The following TMTC1 variants were observed in gnomAD, a reference collection of about 807,000 sequenced individuals.
The protein encoded by TMTC1 is protein O-mannosyl-transferase TMTC1.
A neutral mutation model predicts 104.8 loss-of-function variants in TMTC1; 73 were observed. The observed-to-expected ratio is 0.70, with a 90% CI of 0.58 to 0.85. TMTC1 has a LOEUF of 0.85. Ranked by LOEUF, TMTC1 falls within the 40% of genes least tolerant of loss-of-function variation. TMTC1 has a pLI of 0.00. For missense variants in TMTC1, 1,035 were observed against 1,096.1 expected (o/e 0.94, Z 0.79); for synonymous variants, 434 against 428.7 (o/e 1.01, Z -0.15).
chr12:29,672,812 G>T (rs185913163), intron 5 of TMTC1, among the ~76,000 whole-genome samples: 1 of 152,140 alleles, frequency 6.6e-6, no homozygotes, highest in Non-Finnish European at 1.5e-5. Context: ...TAGATCACTT[G>T]GCTGCACTGC....
At chr12:29,749,986 T>C (rs527606007) in intron 5 of TMTC1, among the ~76,000 whole-genome samples, 1 of 151,904 alleles carries the variant, frequency 6.6e-6, no homozygotes, top group Admixed American at 6.6e-5. Context: ...CCCTCCTTCA[T>C]GATTGCCCCC....
At position 29,783,176 on chromosome 12, in the gene TMTC1, C is replaced by A. The variant is rs1298127492; in HGVS notation, c.302+274G>T. ...TTTCACCAGCCCGCTCCCAGCCCTG[C>A]CTCGAGAGAGAAGCCCGCTGAGAGG... On this transcript the variant is annotated intron_variant, in intron 1 of 17. Transcript: ENST00000539277. The surrounding 1 kb of genome is among the most constrained non-coding windows in gnomAD (Gnocchi z 4.7). The A allele has an allele frequency of 1.4e-5, 5 of 366,614 alleles. No homozygotes were observed. The highest frequency in any genetic ancestry group is 2.4e-5 in the Non-Finnish European group (5 of 206,350). 22.7% of individuals were successfully genotyped at this position (366,614 alleles called of 1,614,324 possible). A position where few individuals can be genotyped will look rare whatever the true frequency, so the allele number is the denominator to read the frequency against.
intron 5 of TMTC1, among the ~76,000 whole-genome samples, chr12:29,669,983 A>G (rs576746082): frequency 6.6e-6 from 1 of 152,208 alleles, no homozygotes; most frequent in East Asian, 1.9e-4. Context: ...TTGCTGCATC[A>G]CTGGTCTCCT....
chr12:29,763,003 G>A (rs1366745522), intron 2 of TMTC1, among the ~76,000 whole-genome samples: 3 of 152,198 alleles, frequency 2.0e-5, no homozygotes, highest in Non-Finnish European at 2.9e-5. Flanking sequence ...CATCTGGACC[G>A]AGAAGGGCAC....
intron 5 of TMTC1, among the ~76,000 whole-genome samples, chr12:29,741,625 C>T (rs756889078): frequency 3.9e-5 from 6 of 152,206 alleles, no homozygotes; most frequent in Admixed American, 6.6e-5. Context: ...TTGTCTCTTG[C>T]GCAACCTGAG....
Position 29,644,145 on chromosome 12 carries a change from GTGTGTA to G in TMTC1, c.939-10815_939-10810del, listed in dbSNP as rs1320089972. On this transcript the variant is annotated intron_variant, in intron 5 of 17. Coordinates refer to ENST00000539277, the MANE Select transcript of TMTC1 (RefSeq NM_001193451.2). Reference sequence around the variant, plus strand: ...TGTGTGTGTGTGTGTGTGTGTGTGTGTGTGTATATATATATATAATGAAATACTAAA... The same window carrying G: ...TGTGTGTGTGTGTGTGTGTGTGTGTGTATATATATATAATGAAATACTAAA... 2.0e-3 allele frequency among the ~76,000 whole-genome samples: 157 copies of G among 76,906 alleles called. 5 individuals carry two copies. Among genetic ancestry groups the G allele is most frequent in the Middle Eastern group, 0.013 (2 of 158 alleles). The allele number at this position is 76,906 out of a possible 152,430, so 50.5% of individuals were successfully genotyped here.
rs570587034 is a variant in TMTC1, at chr12:29,564,296, C to A, written c.1533-7296G>T. 7.2e-5 allele frequency among the ~76,000 whole-genome samples: 11 copies of A among 152,152 alleles called. No individual in the cohort carries two copies. In the South Asian group the frequency reaches 1.9e-3, roughly 26 times the overall value. ...GTAGAGTCATAGATTTGAGGGTCAACCAGCATATACACAGATGCTAACAAG... is the reference window on the plus strand; with the variant it reads ...GTAGAGTCATAGATTTGAGGGTCAAACAGCATATACACAGATGCTAACAAG... On this transcript the variant is annotated intron_variant, in intron 9 of 17. Transcript: ENST00000539277.
chr12:29,727,140 T>C (rs897087931), intron 5 of TMTC1, among the ~76,000 whole-genome samples: 1 of 152,192 alleles, frequency 6.6e-6, no homozygotes, highest in African/African-American at 2.4e-5. Context: ...TAAGATTCAA[T>C]GTGTGATTTA....
intron 5 of TMTC1, among the ~76,000 whole-genome samples, chr12:29,699,450 GAAGGCAC>G (rs1430852358): frequency 8.5e-5 from 13 of 152,264 alleles, no homozygotes; most frequent in African/African-American, 3.1e-4. Context: ...AAAGTGCCAT[GAAGGCAC>G]AAAATATCTT....
chr12:29,560,235 A>C (rs1945344654), intron 9 of TMTC1, among the ~76,000 whole-genome samples: 1 of 152,184 alleles, frequency 6.6e-6, no homozygotes, highest in African/African-American at 2.4e-5. Context: ...AACCTCAACA[A>C]AAGATCTGCT....
At chr12:29,683,865 C>T (rs1428176319) in intron 5 of TMTC1, among the ~76,000 whole-genome samples, 17 of 148,264 alleles carry the variant, frequency 1.1e-4, no homozygotes, top group Non-Finnish European at 1.2e-4. Flanking sequence ...TTTTTTGAGA[C>T]AGGTTCTCCC....
intron 5 of TMTC1, among the ~76,000 whole-genome samples, chr12:29,666,789 C>T (rs1940305317): frequency 6.6e-6 from 1 of 152,146 alleles, no homozygotes; most frequent in Non-Finnish European, 1.5e-5. Flanking sequence ...AGGTAGCAAA[C>T]ATCTCAGATA....
intron 11 of TMTC1, among the ~76,000 whole-genome samples, chr12:29,528,253 G>A (rs546287343): frequency 6.6e-6 from 1 of 152,262 alleles, no homozygotes; most frequent in South Asian, 2.1e-4. Context: ...CTACTGACTT[G>A]TAAGTTCCAG....
chr12:29,723,649 C>T (rs1350586680), intron 5 of TMTC1, among the ~76,000 whole-genome samples: 1 of 151,866 alleles, frequency 6.6e-6, no homozygotes, highest in Non-Finnish European at 1.5e-5. Context: ...GAGTTCAAGA[C>T]TACAGTGAGC....
At chr12:29,591,538 A>G (rs1946281374) in intron 7 of TMTC1, among the ~76,000 whole-genome samples, 1 of 152,222 alleles carries the variant, frequency 6.6e-6, no homozygotes, top group Admixed American at 6.5e-5. Flanking sequence ...GGTTTAGCTC[A>G]GTGCTAAGAT....
chr12:29,720,058 T>C (rs1014215848), intron 5 of TMTC1, among the ~76,000 whole-genome samples: 1 of 152,188 alleles, frequency 6.6e-6, no homozygotes, highest in Non-Finnish European at 1.5e-5. Flanking sequence ...AACTTAAAAA[T>C]GGATCTGCTG....
chr12:29,569,714 G>T (rs776203615), intron 9 of TMTC1, among the ~76,000 whole-genome samples: 16 of 152,068 alleles, frequency 1.1e-4, no homozygotes, highest in Non-Finnish European at 2.1e-4. Context: ...ACCCACATCC[G>T]TTGAAAATTC....
At chr12:29,745,468 CA>C (rs1160281855) in intron 5 of TMTC1, among the ~76,000 whole-genome samples, 2 of 151,706 alleles carry the variant, frequency 1.3e-5, no homozygotes, top group Admixed American at 6.6e-5. Context: ...ACTAAAAATA[CA>C]AAAATTAGCC....
intron 11 of TMTC1, chr12:29,534,068 CT>C (rs1171355070): frequency 6.6e-6 from 1 of 152,200 alleles, no homozygotes; most frequent in African/African-American, 2.4e-5. Context: ...TTTGTCAATA[CT>C]GATTTCATAC....
Sources: gnomAD v4.1 joint callset for allele counts (sites outside exome capture counted in the v4.1 genomes callset) on GRCh38, gnomAD v4.1.1 for gene constraint, Gnocchi (gnomAD v3.1) non-coding constraint, MANE v1.5 for transcripts, NCBI Gene and HGNC (gene_info 2026-07-23, HGNC 2026-07-21) for gene names.